Variants in EIF4E3 observed in about 807,000 individuals in gnomAD.
EIF4E3 encodes the protein eukaryotic translation initiation factor 4E family member 3, also known as eukaryotic translation initiation factor 4E type 3.
A neutral mutation model predicts 31.7 loss-of-function variants in EIF4E3; 26 were observed. That is an observed-to-expected ratio of 0.82 (90% CI 0.60 to 1.14). The LOEUF (loss-of-function observed/expected upper bound fraction) is 1.14. Ranked by LOEUF, EIF4E3 falls within the 50% of genes most tolerant of loss-of-function variation. The probability of loss-of-function intolerance (pLI) is 0.00; values close to 1 mark genes in which losing one functional copy is unlikely to be tolerated. For missense variants in EIF4E3, 304 were observed against 270.9 expected, an observed-to-expected ratio of 1.12 and a Z score of -0.86; for synonymous variants, 128 against 107.7, an observed-to-expected ratio of 1.19 and a Z score of -1.17.
At chr3:71,736,069 T>C (rs2049759873) in intron 1 of EIF4E3, among the ~76,000 whole-genome samples, 1 of 152,206 alleles carries the variant, frequency 6.6e-6, no homozygotes, top group Admixed American at 6.5e-5. Context: ...TAATATCATA[T>C]GTCACTGGAG....
chr3:71,710,368 G>A, intron 2 of EIF4E3, 44 bp downstream of exon 2: 1 of 1,537,212 alleles, frequency 6.5e-7, no homozygotes, highest in East Asian at 2.4e-5. Flanking sequence ...TTAGGTGTCT[G>A]ACGTGTGCCG....
intron 1 of EIF4E3, among the ~76,000 whole-genome samples, chr3:71,739,998 G>C (rs1180278658): frequency 6.6e-6 from 1 of 152,190 alleles, no homozygotes; most frequent in South Asian, 2.1e-4. Context: ...TGTATGTGAA[G>C]AGGTATAATA....
chr3:71,707,437 G>GCCAAAA (rs2049309038), intron 2 of EIF4E3, among the ~76,000 whole-genome samples: 1 of 152,148 alleles, frequency 6.6e-6, no homozygotes. Context: ...AGGGCTAAGT[G>GCCAAAA]CCAAGCATTA....
rs1439247221 is a variant in EIF4E3, at chr3:71,678,525, T to C, written c.*6157A>G. ...GGCTGGAATAAAAAATACTGACTTA[T>C]AGAAGCAACTTTCACATGTATCTGA... On this transcript the variant is annotated 3_prime_UTR_variant, in exon 7 of 7. Transcript: ENST00000425534. 6.6e-6 allele frequency: 1 copy of C among 152,196 alleles called. No homozygotes were observed. Among genetic ancestry groups the C allele is most frequent in the Non-Finnish European group, 1.5e-5 (1 of 68,034 alleles). 9.4% of individuals were successfully genotyped at this position (152,196 alleles called of 1,614,324 possible). A position where few individuals can be genotyped will look rare whatever the true frequency, so the allele number is the denominator to read the frequency against.
Position 71,684,562 on chromosome 3 carries a change from A to G in EIF4E3, c.*120T>C. The G allele has an allele frequency of 8.1e-7, 1 of 1,230,846 alleles. No individual in the cohort carries two copies. The highest frequency in any genetic ancestry group is 1.4e-5 in the South Asian group (1 of 69,582). The allele number at this position is 1,230,846 out of a possible 1,614,324, so 76.2% of individuals were successfully genotyped here. ...GTCCTAATTGCCCATCTGCAAGGAC[A>G]GAAACCCACTCTAAATTGACCAGCA... On this transcript the variant is annotated 3_prime_UTR_variant, in exon 7 of 7. Coordinates refer to ENST00000425534, the MANE Select transcript of EIF4E3 (RefSeq NM_001134651.2).
chr3:71,694,714 C>G (rs2049110994), intron 4 of EIF4E3, among the ~76,000 whole-genome samples: 2 of 152,128 alleles, frequency 1.3e-5, no homozygotes. Flanking sequence ...GGTTTGAATC[C>G]TTAGAGGCTG....
chr3:71,751,159 G>C (rs1005852480), intron 1 of EIF4E3, among the ~76,000 whole-genome samples: 2 of 152,104 alleles, frequency 1.3e-5, no homozygotes, highest in Non-Finnish European at 2.9e-5. Flanking sequence ...CCTGAGCCTG[G>C]GAGGTTGAGG....
At chr3:71,750,609 G>C (rs1056938439) in intron 1 of EIF4E3, among the ~76,000 whole-genome samples, 2 of 152,168 alleles carry the variant, frequency 1.3e-5, no homozygotes, top group Non-Finnish European at 2.9e-5. Flanking sequence ...TGGAGATCAT[G>C]AGGATGGACT....
rs2048892079 is a variant in EIF4E3, at chr3:71,678,635, C to G, written c.*6047G>C. 1 of 151,956 alleles carries G rather than the reference C, an allele frequency of 6.6e-6. No individual in the cohort carries two copies. The highest frequency in any genetic ancestry group is 2.4e-5 in the African/African-American group (1 of 41,366). 9.4% of individuals were successfully genotyped at this position (151,956 alleles called of 1,614,324 possible). ...CTGACCTTAAAAATACTGAGCAAAT[C>G]ACTAGATGAAGCCAGATCAAAAGGA... On this transcript the variant is annotated 3_prime_UTR_variant, in exon 7 of 7. Coordinates refer to ENST00000425534, the MANE Select transcript of EIF4E3 (RefSeq NM_001134651.2).
chr3:71,675,264 T>C (rs943029011), downstream of EIF4E3, among the ~76,000 whole-genome samples: 2 of 152,208 alleles, frequency 1.3e-5, no homozygotes, highest in Non-Finnish European at 2.9e-5. Context: ...GCCGTGAATA[T>C]GTTGAAGGGC....
At chr3:71,733,637 C>T (rs144203315) in intron 1 of EIF4E3, among the ~76,000 whole-genome samples, 3 of 152,212 alleles carry the variant, frequency 2.0e-5, no homozygotes, top group African/African-American at 7.2e-5. Context: ...GGGGAGCTCA[C>T]CTTTGAGGTC....
intron 3 of EIF4E3, 110 bp downstream of exon 3, chr3:71,699,504 A>T (rs887016044): frequency 2.0e-6 from 2 of 986,044 alleles, no homozygotes; most frequent in African/African-American, 3.2e-5. Context: ...GGTATCACAG[A>T]CTTTCTATGT....
intron 1 of EIF4E3, among the ~76,000 whole-genome samples, chr3:71,750,781 T>C (rs1578395923): frequency 6.8e-6 from 1 of 147,762 alleles, no homozygotes; most frequent in East Asian, 2.0e-4. Flanking sequence ...TTTTTTTTTT[T>C]GAGACGGAGT....
At chr3:71,716,496 G>T (rs2049468489) in intron 1 of EIF4E3, among the ~76,000 whole-genome samples, 1 of 152,172 alleles carries the variant, frequency 6.6e-6, no homozygotes, top group South Asian at 2.1e-4. Flanking sequence ...GCCTCCCAAA[G>T]TGCTGGGATT....
chr3:71,725,227 G>T lies in EIF4E3; in HGVS notation c.141C>A (p.Val47=). 2 of 1,134,232 alleles carry T rather than the reference G, an allele frequency of 1.8e-6. No individual in the cohort carries two copies. Among genetic ancestry groups the T allele is most frequent in the Non-Finnish European group, 1.1e-6 (1 of 919,614 alleles). 70.3% of individuals were successfully genotyped at this position (1,134,232 alleles called of 1,614,324 possible). ...AGAAGGTCCAGGACGAGTGCAGCGG[G>T]ACCCCGCCCGGCTCAGGCTGCAGCG... ...LSALQPEPGG[V]PLHSSWTFWL... Residue 47 remains valine (V), a synonymous_variant, in exon 1 of 7, where the codon GTC becomes GTA. Coordinates refer to ENST00000425534, the MANE Select transcript of EIF4E3 (RefSeq NM_001134651.2). This position sits in a 1 kb window ranked among gnomAD's most constrained non-coding sequence, Gnocchi z 6.1.
intron 1 of EIF4E3, among the ~76,000 whole-genome samples, chr3:71,741,704 A>G (rs746731846): frequency 5.9e-5 from 9 of 152,204 alleles, no homozygotes; most frequent in Non-Finnish European, 1.3e-4. Flanking sequence ...TCACCCAACA[A>G]CCATACAAAA....
intron 1 of EIF4E3, 127 bp from the exon 2 acceptor site, chr3:71,710,611 G>T: frequency 1.2e-6 from 1 of 824,580 alleles, no homozygotes; most frequent in Non-Finnish European, 1.9e-6. Flanking sequence ...TGGACATTTT[G>T]GGGATGCTAG....
chr3:71,734,674 T>C (rs1210263351), intron 1 of EIF4E3, among the ~76,000 whole-genome samples: 1 of 152,082 alleles, frequency 6.6e-6, no homozygotes, highest in Non-Finnish European at 1.5e-5. Context: ...AAGATATAAA[T>C]TAGCAGTGAA....
Position 71,677,958 on chromosome 3 carries a change from T to C in EIF4E3, c.*6724A>G, listed in dbSNP as rs2048886898. ...GAATTAAAATAAGCAAGATACGTTT[T>C]CTAAGAGACCCAGATGAGCCCTATT... On this transcript the variant is annotated 3_prime_UTR_variant, in exon 7 of 7. Transcript: ENST00000425534. 6.6e-6 allele frequency: 1 copy of C among 152,158 alleles called. No individual in the cohort carries two copies. The highest frequency in any genetic ancestry group is 1.5e-5 in the Non-Finnish European group (1 of 68,016). 9.4% of individuals were successfully genotyped at this position (152,158 alleles called of 1,614,324 possible). A position where few individuals can be genotyped will look rare whatever the true frequency, so the allele number is the denominator to read the frequency against.
Sources: allele counts gnomAD v4.1 joint callset (sites outside exome capture counted in the v4.1 genomes callset), GRCh38; gene constraint gnomAD v4.1.1; non-coding constraint Gnocchi (gnomAD v3.1); transcripts MANE v1.5; gene names NCBI Gene and HGNC (gene_info 2026-07-23, HGNC 2026-07-21).